ADAMTS16: variants seen among roughly 807,000 people sequenced by gnomAD.
The protein encoded by ADAMTS16 is A disintegrin and metalloproteinase with thrombospondin motifs 16.
Under a neutral mutation model 145.8 loss-of-function variants are expected in ADAMTS16, and 94 were observed. The ratio of observed to expected loss-of-function variants is 0.64; its 90% confidence interval spans 0.55 to 0.77. The LOEUF (loss-of-function observed/expected upper bound fraction) is 0.77, where lower values mean the gene tolerates loss of function less well. ADAMTS16 is among the 30% of genes least tolerant of loss of function. ADAMTS16 has a pLI of 0.00. For synonymous variants in ADAMTS16, 659 were observed against 604.3 expected (o/e 1.09, Z -1.33); for missense variants, 1,585 against 1,591.5 (o/e 1.00, Z 0.07).
intron 14 of ADAMTS16, among the ~76,000 whole-genome samples, chr5:5,238,444 C>T (rs1737179392): frequency 6.6e-6 from 1 of 152,124 alleles, no homozygotes; most frequent in Non-Finnish European, 1.5e-5. Context: ...TTTCATACGT[C>T]ACCTTTTAGA....
chr5:5,266,186 G>T (rs1201567059), intron 18 of ADAMTS16, among the ~76,000 whole-genome samples: 1 of 152,134 alleles, frequency 6.6e-6, no homozygotes, highest in Non-Finnish European at 1.5e-5. Flanking sequence ...AGTCTAGTCA[G>T]CCCTGGTCTA....
intron 12 of ADAMTS16, 89 bp downstream of exon 12, chr5:5,232,605 T>G (rs1318197737): frequency 3.7e-6 from 4 of 1,084,312 alleles, no homozygotes; most frequent in Non-Finnish European, 5.0e-6. Context: ...CAGCTCTTTT[T>G]TTTTTTTTTT....
rs146829369 is a variant in ADAMTS16 at position 5,212,941 on chromosome 5, C to A, written c.1605+3695C>A. On this transcript the variant is annotated intron_variant, in intron 10 of 22. Coordinates refer to ENST00000274181, the MANE Select transcript of ADAMTS16 (RefSeq NM_139056.4). ...TACCTTGACTTGCTTTTTAACTGTA[C>A]TTCCTTATGTTAATTGATAGTGGTT... Among the ~76,000 whole-genome samples, 484 of 152,080 alleles carry A rather than the reference C, an allele frequency of 3.2e-3. 5 individuals carry two copies. The highest frequency in any genetic ancestry group is 0.011 in the African/African-American group (470 of 41,482).
intron 18 of ADAMTS16, among the ~76,000 whole-genome samples, chr5:5,272,915 A>G (rs529980180): frequency 9.8e-5 from 15 of 152,334 alleles, no homozygotes; most frequent in South Asian, 6.2e-4. Flanking sequence ...GGCTCTCTGC[A>G]GTTACTTTCT....
Position 5,269,370 on chromosome 5 carries a change from C to T in ADAMTS16, c.2789+6587C>T, listed in dbSNP as rs1738378706. On this transcript the variant is annotated intron_variant, in intron 18 of 22. Transcript: ENST00000274181. The surrounding 1 kb of genome is among the most constrained non-coding windows in gnomAD (Gnocchi z 4.3). ...GCAGTAAATGCTACCCCCAAAATCC[C>T]ATGTTATCACTCTAAAAGTGTGGTC... 6.6e-6 allele frequency among the ~76,000 whole-genome samples: 1 copy of T among 152,130 alleles called. No homozygotes were observed.
chr5:5,301,184 G>A lies in ADAMTS16; in HGVS notation c.2790-2084G>A, dbSNP rs886067066. Among the ~76,000 whole-genome samples, 12 of 152,222 alleles carry A rather than the reference G, an allele frequency of 7.9e-5. No individual in the cohort carries two copies. In the East Asian group the frequency reaches 2.3e-3, roughly 29 times the overall value. ...CTTCCTGGGCTCAAGTGATCTTCCT[G>A]AGTAGCTGGGACTTCAGTTGTGTAT... On this transcript the variant is annotated intron_variant, in intron 18 of 22. Coordinates refer to ENST00000274181, the MANE Select transcript of ADAMTS16 (RefSeq NM_139056.4).
chr5:5,147,093 C>T (rs574268189), intron 3 of ADAMTS16, among the ~76,000 whole-genome samples: 156 of 152,252 alleles, frequency 1.0e-3, no homozygotes, highest in African/African-American at 3.5e-3. Context: ...GGCTTATGGC[C>T]GAGCTAAGAA....
intron 6 of ADAMTS16, among the ~76,000 whole-genome samples, chr5:5,189,543 A>C (rs1414911621): frequency 6.6e-6 from 1 of 152,216 alleles, no homozygotes; most frequent in African/African-American, 2.4e-5. Context: ...TGGAAATCCC[A>C]CTTGCTTAAC....
At chr5:5,168,624 AT>A (rs1734953579) in intron 3 of ADAMTS16, among the ~76,000 whole-genome samples, 1 of 113,842 alleles carries the variant, frequency 8.8e-6, no homozygotes, top group Non-Finnish European at 1.8e-5. Context: ...TATATATTAT[AT>A]TATATATAAT....
In ADAMTS16 at chr5:5,185,124, T is replaced by C. The variant is rs78864780; in HGVS notation, c.764-928T>C. Among the ~76,000 whole-genome samples, 204 of 152,254 alleles carry C rather than the reference T, an allele frequency of 1.3e-3. 4 individuals are homozygous for C. The East Asian group carries it at 0.025, about 18-fold the overall frequency. ...TGCATAAACATTAATGGCAAATGAGTGCTCAATAAACATTAGCTGGTATCA... is the reference window on the plus strand; with the variant it reads ...TGCATAAACATTAATGGCAAATGAGCGCTCAATAAACATTAGCTGGTATCA... On this transcript the variant is annotated intron_variant, in intron 4 of 22. Transcript: ENST00000274181.
intron 18 of ADAMTS16, among the ~76,000 whole-genome samples, chr5:5,272,761 A>T (rs1014726836): frequency 6.6e-6 from 1 of 152,176 alleles, no homozygotes; most frequent in Non-Finnish European, 1.5e-5. Context: ...TTCTGTGTCA[A>T]CATGGCTTTC....
At position 5,319,971 on chromosome 5, in the gene ADAMTS16, C is replaced by A. The variant is rs1358581088; in HGVS notation, c.*833C>A. The A allele has an allele frequency of 2.2e-6, 1 of 453,096 alleles. No individual in the cohort carries two copies. The highest frequency in any genetic ancestry group is 2.0e-5 in the African/African-American group (1 of 49,958). The allele number at this position is 453,096 out of a possible 1,614,324, so 28.1% of individuals were successfully genotyped here. A position where few individuals can be genotyped will look rare whatever the true frequency, so the allele number is the denominator to read the frequency against. ...GATCGAAGTATAGGTTACATCAAAA[C>A]CCTACCATCCTGAGAAGAGTTATGG... On this transcript the variant is annotated 3_prime_UTR_variant, in exon 23 of 23. Transcript: ENST00000274181.
At chr5:5,251,062 A>T (rs984626451) in intron 17 of ADAMTS16, among the ~76,000 whole-genome samples, 1 of 152,154 alleles carries the variant, frequency 6.6e-6, no homozygotes, top group African/African-American at 2.4e-5. Context: ...CGTCAGCAAG[A>T]CAGGATATCC....
rs768212348 is a variant in ADAMTS16, at chr5:5,239,716, C to T, written c.2314C>T (p.Arg772Trp). The change falls in exon 16 of 23, where the codon CGG (arginine) becomes TGG (tryptophan). Residue 772 changes from arginine to tryptophan, a missense_variant. Transcript: ENST00000274181. ...CATGGTCACCATTCCTTCTGGAGCC[C>T]GGAGTATCCGCATCTATGAAATGAA... ...YHMVTIPSGA[R>W]SIRIYEMNVS... 11 of 1,614,006 alleles carry T rather than the reference C, an allele frequency of 6.8e-6. No homozygotes were observed. The highest frequency in any genetic ancestry group is 4.5e-5 in the East Asian group (2 of 44,886).
At chr5:5,203,234 T>C (rs1483550856) in intron 9 of ADAMTS16, among the ~76,000 whole-genome samples, 1 of 152,258 alleles carries the variant, frequency 6.6e-6, no homozygotes, top group Non-Finnish European at 1.5e-5. Flanking sequence ...AAATTCACTA[T>C]TAAGATTCAT....
At chr5:5,186,853 A>G (rs1214303622) in intron 5 of ADAMTS16, among the ~76,000 whole-genome samples, 1 of 152,220 alleles carries the variant, frequency 6.6e-6, no homozygotes, top group Non-Finnish European at 1.5e-5. Flanking sequence ...GGGTTGCCAA[A>G]GTGTGTTTTT....
chr5:5,179,637 C>T (rs1164231340), intron 3 of ADAMTS16, among the ~76,000 whole-genome samples: 6 of 152,196 alleles, frequency 3.9e-5, no homozygotes, highest in Admixed American at 2.0e-4. Flanking sequence ...GTTGTGTCTT[C>T]GTTTAGTTCC....
At chr5:5,182,817 T>G (rs1243005019) in intron 4 of ADAMTS16, among the ~76,000 whole-genome samples, 1 of 152,198 alleles carries the variant, frequency 6.6e-6, no homozygotes, top group Non-Finnish European at 1.5e-5. Context: ...AAATGGTTTA[T>G]TATTTACATT....
At chr5:5,240,202 C>A (rs1197537476) in intron 16 of ADAMTS16, among the ~76,000 whole-genome samples, 1 of 152,136 alleles carries the variant, frequency 6.6e-6, no homozygotes, top group Non-Finnish European at 1.5e-5. Context: ...AGCTCGATGG[C>A]TGTGAGATGC....
Sources: allele counts gnomAD v4.1 joint callset (sites outside exome capture counted in the v4.1 genomes callset), GRCh38; gene constraint gnomAD v4.1.1; non-coding constraint Gnocchi (gnomAD v3.1); transcripts MANE v1.5; gene names NCBI Gene and HGNC (gene_info 2026-07-23, HGNC 2026-07-21).